The following CNTNAP2 variants were observed in gnomAD, a reference collection of about 807,000 sequenced individuals.
CNTNAP2 encodes contactin-associated protein-like 2.
In CNTNAP2, 98 loss-of-function variants were observed where a neutral mutation model predicts 155.2. The observed-to-expected ratio is 0.63, with a 90% CI of 0.54 to 0.75. The LOEUF (loss-of-function observed/expected upper bound fraction) is 0.75. Among genes scored for constraint, CNTNAP2 ranks in the 30% least tolerant of loss-of-function variants. CNTNAP2 has a pLI of 0.00. For synonymous variants in CNTNAP2, 651 were observed against 631.2 expected (o/e 1.03, Z -0.47); for missense variants, 1,727 against 1,688.1 (o/e 1.02, Z -0.40).
intron 1 of CNTNAP2, among the ~76,000 whole-genome samples, chr7:146,427,871 T>C (rs956517171): frequency 6.6e-6 from 1 of 152,168 alleles, no homozygotes; most frequent in African/African-American, 2.4e-5. Context: ...ATCCATCAGC[T>C]ATTCTTCCTG....
chr7:148,293,753 C>T (rs1412114745), intron 21 of CNTNAP2, among the ~76,000 whole-genome samples: 1 of 151,840 alleles, frequency 6.6e-6, no homozygotes, highest in African/African-American at 2.4e-5. Flanking sequence ...AATCCAAAAC[C>T]CCCGGGCACA....
At chr7:148,123,633 CAGGAAGGA>C (rs35150868) in intron 16 of CNTNAP2, among the ~76,000 whole-genome samples, 18,540 of 118,190 alleles carry the variant, frequency 0.16, 1,527 homozygotes, top group East Asian at 0.23. Context: ...GAAGGGAGAG[CAGGAAGGA>C]AGGAAGGAAG....
intron 1 of CNTNAP2, among the ~76,000 whole-genome samples, chr7:146,580,433 C>A (rs1798594220): frequency 6.7e-6 from 1 of 149,386 alleles, no homozygotes; most frequent in African/African-American, 2.5e-5. Flanking sequence ...ACAGAATCCT[C>A]AGAACAACTC....
chr7:147,494,913 T>A (rs1412006019), intron 11 of CNTNAP2, among the ~76,000 whole-genome samples: 1 of 152,190 alleles, frequency 6.6e-6, no homozygotes, highest in Non-Finnish European at 1.5e-5. Context: ...TAAGTTTCTA[T>A]GACAAGTCTT....
chr7:147,497,173 T>C (rs1181396082), intron 11 of CNTNAP2: 1 of 152,212 alleles, frequency 6.6e-6, no homozygotes, highest in Non-Finnish European at 1.5e-5. Flanking sequence ...TAAATGGATA[T>C]GGATTTGAAT....
rs748420866 is a variant in CNTNAP2 at position 148,217,272 on chromosome 7, C to T, written c.3011-16C>T. 3.1e-6 allele frequency: 5 copies of T among 1,613,168 alleles called. No individual in the cohort carries two copies. Among genetic ancestry groups the T allele is most frequent in the Non-Finnish European group, 4.2e-6 (5 of 1,179,176 alleles). ...ACCTCTCCTCATTTTTCAATTCTCT[C>T]TCTCCTTTATAACAGATGTTGGTGC... On this transcript the variant is annotated splice_polypyrimidine_tract_variant and intron_variant, in intron 18 of 23. Transcript: ENST00000361727.
At chr7:147,631,131 G>A (rs1795079037) in intron 12 of CNTNAP2, among the ~76,000 whole-genome samples, 1 of 151,996 alleles carries the variant, frequency 6.6e-6, no homozygotes, top group Non-Finnish European at 1.5e-5. Flanking sequence ...AAAGTTTCAG[G>A]ATATAAAATC....
At chr7:148,404,289 A>G (rs1175627555) in intron 22 of CNTNAP2, among the ~76,000 whole-genome samples, 1 of 152,258 alleles carries the variant, frequency 6.6e-6, no homozygotes, top group East Asian at 1.9e-4. Context: ...CACAAGAATT[A>G]AGATTATTCC....
intron 10 of CNTNAP2, among the ~76,000 whole-genome samples, chr7:147,477,570 CAAGT>C (rs767318699): frequency 2.6e-5 from 4 of 152,128 alleles, no homozygotes; most frequent in Admixed American, 2.0e-4. Context: ...ATGTAGTTAT[CAAGT>C]AAGTTCATTT....
intron 23 of CNTNAP2, among the ~76,000 whole-genome samples, chr7:148,410,859 C>A (rs905530954): frequency 6.6e-6 from 1 of 152,020 alleles, no homozygotes; most frequent in Admixed American, 6.6e-5. Flanking sequence ...ATAAAAGGAA[C>A]AAGTTCCGGG....
chr7:146,284,260 G>A (rs1044963685), intron 1 of CNTNAP2, among the ~76,000 whole-genome samples: 6 of 152,142 alleles, frequency 3.9e-5, no homozygotes, highest in South Asian at 2.1e-4. Context: ...TAAAATATTC[G>A]GAGATGAGTA....
intron 1 of CNTNAP2, among the ~76,000 whole-genome samples, chr7:146,564,783 C>A (rs1041593712): frequency 1.3e-5 from 2 of 151,748 alleles, no homozygotes; most frequent in Middle Eastern, 3.4e-3. Context: ...TTCTTTCCTT[C>A]TCATTTCTAA....
At chr7:147,067,204 T>A (rs368315285) in intron 4 of CNTNAP2, among the ~76,000 whole-genome samples, 7 of 143,552 alleles carry the variant, frequency 4.9e-5, no homozygotes, top group African/African-American at 1.9e-4. Context: ...AGCAGGAGAA[T>A]CACTGGAACT....
At chr7:146,580,304 C>T (rs763982344) in intron 1 of CNTNAP2, among the ~76,000 whole-genome samples, 1 of 151,912 alleles carries the variant, frequency 6.6e-6, no homozygotes. Flanking sequence ...TTGAAGTTTG[C>T]ATCTCAAATG....
intron 9 of CNTNAP2, among the ~76,000 whole-genome samples, chr7:147,358,341 T>C (rs1796095585): frequency 6.6e-6 from 1 of 152,168 alleles, no homozygotes; most frequent in African/African-American, 2.4e-5. Context: ...TATGTACTTT[T>C]TAATGAAAAT....
intron 13 of CNTNAP2, among the ~76,000 whole-genome samples, chr7:147,721,150 T>C (rs1210847000): frequency 1.3e-5 from 2 of 152,108 alleles, no homozygotes; most frequent in Non-Finnish European, 2.9e-5. Context: ...GCATACCTAA[T>C]CTGTAATTGA....
Position 146,761,547 on chromosome 7 carries a change from T to C in CNTNAP2, c.98-12724T>C, listed in dbSNP as rs190765276. On this transcript the variant is annotated intron_variant, in intron 1 of 23. Coordinates refer to ENST00000361727, the MANE Select transcript of CNTNAP2 (RefSeq NM_014141.6). Reference sequence around the variant, plus strand: ...GTTTTTAAGTTTGTTTGTTTTTGTCTCTTTCTTGAAGATGCTATACATTCC... The same window carrying C: ...GTTTTTAAGTTTGTTTGTTTTTGTCCCTTTCTTGAAGATGCTATACATTCC... Among the ~76,000 whole-genome samples, 223 of 152,272 alleles carry C rather than the reference T, an allele frequency of 1.5e-3. 1 individual carries two copies. Among genetic ancestry groups the C allele is most frequent in the Non-Finnish European group, 2.5e-3 (173 of 68,022 alleles).
At chr7:146,558,577 TTTATTA>T (rs1370483445) in intron 1 of CNTNAP2, among the ~76,000 whole-genome samples, 1 of 152,156 alleles carries the variant, frequency 6.6e-6, no homozygotes, top group African/African-American at 2.4e-5. Flanking sequence ...TTTTTATTTA[TTTATTA>T]TTATTATGAT....
chr7:146,305,464 A>G (rs1027303034), intron 1 of CNTNAP2, among the ~76,000 whole-genome samples: 2 of 151,980 alleles, frequency 1.3e-5, no homozygotes, highest in Non-Finnish European at 2.9e-5. Context: ...TTTGGTGTGG[A>G]TGTCCTTTCT....
Sources: allele counts gnomAD v4.1 joint callset (sites outside exome capture counted in the v4.1 genomes callset), GRCh38; gene constraint gnomAD v4.1.1; transcripts MANE v1.5; gene names NCBI Gene and HGNC (gene_info 2026-07-23, HGNC 2026-07-21).